Variants in NT5C3A observed in about 807,000 individuals in gnomAD.
The protein encoded by NT5C3A is 5'-nucleotidase, cytosolic IIIA.
NT5C3A carries 23 observed loss-of-function variants against 40.0 expected under a neutral mutation model. That is an observed-to-expected ratio of 0.58 (90% CI 0.41 to 0.81). The LOEUF (loss-of-function observed/expected upper bound fraction) is 0.81. Among genes scored for constraint, NT5C3A ranks in the 40% least tolerant of loss-of-function variants. The pLI, the probability that NT5C3A is intolerant of heterozygous loss-of-function variation, is 0.00. For synonymous variants in NT5C3A, 130 were observed against 141.4 expected (o/e 0.92, Z 0.57); for missense variants, 328 against 403.0 (o/e 0.81, Z 1.59).
chr7:33,045,536 T>A (rs1787107888), intron 1 of NT5C3A, among the ~76,000 whole-genome samples: 1 of 151,860 alleles, frequency 6.6e-6, no homozygotes, highest in Admixed American at 6.6e-5. Context: ...CTCGGCTCAC[T>A]GCAATCTCCG....
In NT5C3A at chr7:33,026,608, C is replaced by T. The variant is rs76604821; in HGVS notation, c.237+209G>A. On this transcript the variant is annotated intron_variant, in intron 2 of 8. Coordinates refer to ENST00000610140, the MANE Select transcript of NT5C3A (RefSeq NM_001002010.5). Reference sequence around the variant, plus strand: ...TGACCTCAGCCTTGTCCACCCGCCTCGGCCTCCCAAAGTGCTAGGATTACA... The same window carrying T: ...TGACCTCAGCCTTGTCCACCCGCCTTGGCCTCCCAAAGTGCTAGGATTACA... 0.05 allele frequency among the ~76,000 whole-genome samples: 7,515 copies of T among 151,646 alleles called. 423 individuals carry two copies. Among genetic ancestry groups the T allele is most frequent in the African/African-American group, 0.12 (5,126 of 41,350 alleles).
Position 33,015,552 on chromosome 7 carries a change from T to C in NT5C3A, c.894+118A>G, listed in dbSNP as rs7790368. ...CACTCTAGCCTCGGTAACAGAGGCT[T>C]GTCTCAAAAAAAAAAGTCTCTAAAA... On this transcript the variant is annotated intron_variant, in intron 8 of 8. Transcript: ENST00000610140. 479,712 of 655,036 alleles carry C rather than the reference T, an allele frequency of 0.73. 177,183 individuals are homozygous for C. Among genetic ancestry groups the C allele is most frequent in the African/African-American group, 0.85 (46,656 of 54,678 alleles). 40.6% of individuals were successfully genotyped at this position (655,036 alleles called of 1,614,324 possible).
At position 33,025,891 on chromosome 7, in the gene NT5C3A, A is replaced by C. The variant is rs546423836; in HGVS notation, c.237+926T>G. Among the ~76,000 whole-genome samples, 4 of 152,346 alleles carry C rather than the reference A, an allele frequency of 2.6e-5. No individual in the cohort carries two copies. The East Asian group carries it at 7.7e-4, about 29-fold the overall frequency. On this transcript the variant is annotated intron_variant, in intron 2 of 8. Transcript: ENST00000610140. ...GATGAATGAGTCGGCTTTAACATTA[A>C]AAATAAAATAAGGCTGGGCCATGAT...
intron 1 of NT5C3A, among the ~76,000 whole-genome samples, chr7:33,058,240 G>A (rs1787642152): frequency 6.6e-6 from 1 of 152,206 alleles, no homozygotes; most frequent in African/African-American, 2.4e-5. Flanking sequence ...GAAGTAGGTG[G>A]AGGCAATTAA....
At chr7:33,042,343 ACAAAAAAACCC>A (rs1442699615) in intron 1 of NT5C3A, among the ~76,000 whole-genome samples, 2 of 152,120 alleles carry the variant, frequency 1.3e-5, no homozygotes, top group Non-Finnish European at 2.9e-5. Context: ...AAAACAAAAA[ACAAAAAAACCC>A]CAAAAAAACA....
intron 1 of NT5C3A, among the ~76,000 whole-genome samples, chr7:33,041,406 T>C (rs10230500): frequency 0.72 from 110,202 of 152,066 alleles, 40,205 homozygotes; most frequent in African/African-American, 0.79. Flanking sequence ...GGTTGCACGG[T>C]AGTGTAGATG....
chr7:33,058,120 G>T (rs1787637746), intron 1 of NT5C3A, among the ~76,000 whole-genome samples: 1 of 151,988 alleles, frequency 6.6e-6, no homozygotes, highest in Non-Finnish European at 1.5e-5. Flanking sequence ...GATAAAAATA[G>T]AATACATTCT....
chr7:33,014,969 A>C, intron 8 of NT5C3A, 138 bp from the exon 9 acceptor site: 1 of 778,568 alleles, frequency 1.3e-6, no homozygotes, highest in Non-Finnish European at 2.1e-6. Flanking sequence ...GAAATGAAGA[A>C]ATATTTTCAA....
chr7:33,054,659 T>C (rs990652813), intron 1 of NT5C3A, among the ~76,000 whole-genome samples: 5 of 152,212 alleles, frequency 3.3e-5, no homozygotes, highest in African/African-American at 9.6e-5. Context: ...ATCTACCTTA[T>C]ATACATGGCC....
At position 33,036,991 on chromosome 7, in the gene NT5C3A, T is replaced by C. The variant is rs1786641821; in HGVS notation, c.139-10076A>G. 2.6e-5 allele frequency among the ~76,000 whole-genome samples: 4 copies of C among 152,068 alleles called. No homozygotes were observed. The South Asian group carries it at 8.3e-4, about 31-fold the overall frequency. ...CACGCCTGGTTAATTTTTGTATTTT[T>C]AGTAGAGATGGGGTTTCACCATGTT... On this transcript the variant is annotated intron_variant, in intron 1 of 8. Coordinates refer to ENST00000610140, the MANE Select transcript of NT5C3A (RefSeq NM_001002010.5).
intron 1 of NT5C3A, among the ~76,000 whole-genome samples, chr7:33,027,720 G>A (rs981799109): frequency 3.3e-5 from 5 of 151,836 alleles, no homozygotes; most frequent in Admixed American, 6.6e-5. Context: ...GCTACCCCTC[G>A]ATTGATTAAT....
chr7:33,041,901 A>T (rs1240539127), intron 1 of NT5C3A, among the ~76,000 whole-genome samples: 1 of 152,168 alleles, frequency 6.6e-6, no homozygotes, highest in Non-Finnish European at 1.5e-5. Context: ...TTATGTAAAT[A>T]AATTTTTATT....
chr7:33,056,863 G>A (rs913882807), intron 1 of NT5C3A, among the ~76,000 whole-genome samples: 3 of 151,970 alleles, frequency 2.0e-5, no homozygotes, highest in South Asian at 2.1e-4. Flanking sequence ...CCTGGCTGGC[G>A]TGCAATGGTG....
intron 1 of NT5C3A, among the ~76,000 whole-genome samples, chr7:33,028,260 A>G (rs1019039690): frequency 1.3e-5 from 2 of 152,122 alleles, no homozygotes; most frequent in Admixed American, 6.6e-5. Flanking sequence ...ACACAGCAAG[A>G]CCCATCTTAA....
intron 1 of NT5C3A, among the ~76,000 whole-genome samples, chr7:33,053,932 A>G (rs1242959198): frequency 6.6e-6 from 1 of 152,228 alleles, no homozygotes; most frequent in Non-Finnish European, 1.5e-5. Context: ...AACTTGTGGC[A>G]TATGGATAAT....
At chr7:33,037,327 T>C (rs945133271) in intron 1 of NT5C3A, among the ~76,000 whole-genome samples, 3 of 152,178 alleles carry the variant, frequency 2.0e-5, no homozygotes, top group Non-Finnish European at 4.4e-5. Flanking sequence ...TGTTGCTGTG[T>C]TGGTAGTATA....
rs576972955 is a variant in NT5C3A at position 33,034,090 on chromosome 7, AC to A, written c.139-7176del. On this transcript the variant is annotated intron_variant, in intron 1 of 8. Coordinates refer to ENST00000610140, the MANE Select transcript of NT5C3A (RefSeq NM_001002010.5). The stretch of plus-strand genomic sequence containing the variant: ...GTATTTTTAGTAGGGACGGGGTTTC[AC>A]CATGTTAGCCAGGATGGTCTCGATC... Among the ~76,000 whole-genome samples, 182 of 151,820 alleles carry A rather than the reference AC, an allele frequency of 1.2e-3. 3 individuals carry two copies. In the South Asian group the frequency reaches 0.016, roughly 13 times the overall value.
intron 6 of NT5C3A, among the ~76,000 whole-genome samples, chr7:33,018,506 A>C (rs1785458816): frequency 6.6e-6 from 1 of 152,198 alleles, no homozygotes; most frequent in African/African-American, 2.4e-5. Flanking sequence ...AAGTAACATC[A>C]TCATATTTGC....
chr7:33,045,753 G>A (rs914914163), intron 1 of NT5C3A: 16 of 144,536 alleles, frequency 1.1e-4, no homozygotes, highest in Admixed American at 6.7e-4. Flanking sequence ...CACCGCACCC[G>A]GCCCTCATTT....
Sources: gnomAD v4.1 joint callset for allele counts (sites outside exome capture counted in the v4.1 genomes callset) on GRCh38, gnomAD v4.1.1 for gene constraint, MANE v1.5 for transcripts, NCBI Gene and HGNC (gene_info 2026-07-23, HGNC 2026-07-21) for gene names.